The following CAST variants were observed in gnomAD, a reference collection of about 807,000 sequenced individuals.
The protein encoded by CAST is calpastatin, also known as MIR583 host.
CAST carries 76 observed loss-of-function variants against 119.6 expected under a neutral mutation model. The ratio of observed to expected loss-of-function variants is 0.64; its 90% CI spans 0.53 to 0.77. The LOEUF (loss-of-function observed/expected upper bound fraction) is 0.77, where lower values mean the gene tolerates loss of function less well. Among genes scored for constraint, CAST ranks in the 30% least tolerant of loss-of-function variants. CAST has a pLI of 0.00. For missense variants in CAST, 953 were observed against 946.5 expected, an observed-to-expected ratio of 1.01 and a Z score of -0.09; for synonymous variants, 319 against 331.6, an observed-to-expected ratio of 0.96 and a Z score of 0.41.
the CAST span, among the ~76,000 whole-genome samples, chr5:96,511,056 TG>T: frequency 1.3e-5 from 2 of 152,330 alleles, no homozygotes; most frequent in African/African-American, 4.8e-5. Context: ...ACTGTCACAT[TG>T]CTCCTCCCAT....
At chr5:96,237,756 TCTA>T in the CAST span, among the ~76,000 whole-genome samples, 1 of 152,134 alleles carries the variant, frequency 6.6e-6, no homozygotes, top group East Asian at 1.9e-4. Context: ...ATTAAAAAAA[TCTA>T]CTCTCAATCT....
the CAST span, among the ~76,000 whole-genome samples, chr5:96,274,099 A>ATT: frequency 3.5e-5 from 5 of 144,132 alleles, no homozygotes; most frequent in Non-Finnish European, 4.6e-5. Flanking sequence ...TAGAGCCCCA[A>ATT]TTTTTTTTTT....
the CAST span, among the ~76,000 whole-genome samples, chr5:96,438,631 G>A: frequency 1.3e-5 from 2 of 152,250 alleles, no homozygotes; most frequent in Middle Eastern, 6.8e-3. Flanking sequence ...AATAAGTGAT[G>A]TTATGTCATT....
intron 16 of CAST, chr5:96,743,868 G>A: frequency 1.5e-6 from 1 of 660,184 alleles, no homozygotes; most frequent in Non-Finnish European, 2.5e-6. Flanking sequence ...ATCCTGGGGG[G>A]AGTCAGGAGG....
chr5:96,022,520 C>A, the CAST span, among the ~76,000 whole-genome samples: 10,364 of 152,224 alleles, frequency 0.068, 476 homozygotes, highest in Non-Finnish European at 0.1. Flanking sequence ...GGAATCCTCC[C>A]AAGTACTGAA....
chr5:96,725,939 C>G (rs1483783042), intron 4 of CAST, among the ~76,000 whole-genome samples: 1 of 151,912 alleles, frequency 6.6e-6, no homozygotes, highest in Non-Finnish European at 1.5e-5. Context: ...TGTTTCCTTC[C>G]CAAAATAGTG....
chr5:96,601,108 C>G (rs1747144364), intron 1 of CAST, among the ~76,000 whole-genome samples: 1 of 152,158 alleles, frequency 6.6e-6, no homozygotes, highest in Non-Finnish European at 1.5e-5. Flanking sequence ...CTCTCTCCTT[C>G]AACATCTCCT....
chr5:96,416,947 A>G, the CAST span, among the ~76,000 whole-genome samples: 1 of 152,244 alleles, frequency 6.6e-6, no homozygotes, highest in Non-Finnish European at 1.5e-5. Context: ...CAGGAGGGCC[A>G]ACAAGCCAAA....
At chr5:96,357,257 T>C in the CAST span, among the ~76,000 whole-genome samples, 472 of 152,340 alleles carry the variant, frequency 3.1e-3, 3 homozygotes, top group African/African-American at 0.011. Flanking sequence ...TTTCTAAATA[T>C]ACAATCATGT....
At chr5:96,147,100 G>A in the CAST span, among the ~76,000 whole-genome samples, 3 of 152,284 alleles carry the variant, frequency 2.0e-5, no homozygotes, top group Non-Finnish European at 2.9e-5. Flanking sequence ...ATTATGCACA[G>A]CTGGAAGTGG....
chr5:96,141,676 T>G, the CAST span, among the ~76,000 whole-genome samples: 2 of 152,370 alleles, frequency 1.3e-5, no homozygotes. Context: ...GAAAATCCTA[T>G]TCAAAGCTGC....
At chr5:96,429,219 A>C in the CAST span, 1 of 1,510,128 alleles carries the variant, frequency 6.6e-7, no homozygotes, top group East Asian at 2.3e-5. Flanking sequence ...TTACACGATC[A>C]TCATCAGATA....
the CAST span, among the ~76,000 whole-genome samples, chr5:96,359,953 G>C: frequency 1.3e-5 from 2 of 152,070 alleles, no homozygotes; most frequent in African/African-American, 4.8e-5. Context: ...CATTCTCCCC[G>C]TCACTTTCAG....
At chr5:96,575,590 A>G (rs1453318509) in intron 1 of CAST, among the ~76,000 whole-genome samples, 1 of 151,734 alleles carries the variant, frequency 6.6e-6, no homozygotes, top group Non-Finnish European at 1.5e-5. Flanking sequence ...CTAACTGGAA[A>G]TTTTTATTAT....
chr5:96,238,644 C>A, the CAST span, among the ~76,000 whole-genome samples: 1 of 151,568 alleles, frequency 6.6e-6, no homozygotes, highest in African/African-American at 2.4e-5. Flanking sequence ...AAATGCTCTG[C>A]CTGCCTTGGC....
the CAST span, among the ~76,000 whole-genome samples, chr5:96,480,506 A>G: frequency 6.6e-6 from 1 of 152,182 alleles, no homozygotes; most frequent in Non-Finnish European, 1.5e-5. Context: ...TCCTTCCATG[A>G]ATAGGCTAAA....
At chr5:96,127,662 T>C in the CAST span, among the ~76,000 whole-genome samples, 1 of 152,114 alleles carries the variant, frequency 6.6e-6, no homozygotes, top group Non-Finnish European at 1.5e-5. Context: ...GTTCCCAATT[T>C]CCTTTAAAAA....
intron 2 of CAST, among the ~76,000 whole-genome samples, chr5:96,688,458 T>C (rs1052221578): frequency 1.3e-5 from 2 of 152,184 alleles, no homozygotes; most frequent in African/African-American, 4.8e-5. Context: ...TAGCTTTATT[T>C]ATAATAACAA....
the CAST span, among the ~76,000 whole-genome samples, chr5:96,067,051 T>G: frequency 1.3e-5 from 2 of 152,098 alleles, no homozygotes; most frequent in African/African-American, 4.8e-5. Context: ...TTCTATCTAC[T>G]TTAGGGGATA....
Sources: gnomAD v4.1 joint callset for allele counts (sites outside exome capture counted in the v4.1 genomes callset) on GRCh38, gnomAD v4.1.1 for gene constraint, MANE v1.5 for transcripts, NCBI Gene and HGNC (gene_info 2026-07-23, HGNC 2026-07-21) for gene names.